ENPP2: variants seen among roughly 807,000 people sequenced by gnomAD.
ENPP2 encodes autotaxin.
ENPP2 carries 51 observed loss-of-function variants against 120.2 expected under a neutral mutation model. That is an observed-to-expected ratio of 0.42 (90% CI 0.34 to 0.54). ENPP2 has a LOEUF of 0.54. ENPP2 is among the 20% of genes least tolerant of loss of function. ENPP2 has a pLI of 0.04. For missense variants in ENPP2, 920 were observed against 1,066.5 expected (o/e 0.86, Z 1.91); for synonymous variants, 365 against 366.4 (o/e 1.00, Z 0.04).
At chr8:119,654,538 T>C (rs936163695) in intron 1 of ENPP2, among the ~76,000 whole-genome samples, 4 of 149,666 alleles carry the variant, frequency 2.7e-5, no homozygotes, top group Admixed American at 6.7e-5. Flanking sequence ...AGAGAGAGGG[T>C]CTTGCTATGT....
At chr8:119,561,205 A>G (rs968275089) in intron 24 of ENPP2, among the ~76,000 whole-genome samples, 1 of 152,186 alleles carries the variant, frequency 6.6e-6, no homozygotes. Context: ...TTCACCCATA[A>G]TTGAAGTCAA....
At chr8:119,601,144 A>G (rs1814274945) in intron 10 of ENPP2, among the ~76,000 whole-genome samples, 1 of 152,248 alleles carries the variant, frequency 6.6e-6, no homozygotes, top group African/African-American at 2.4e-5. Flanking sequence ...TGGTTCATTT[A>G]TCAAAGCCAG....
intron 23 of ENPP2, 47 bp downstream of exon 23, chr8:119,564,776 A>C (rs1814269083): frequency 6.3e-7 from 1 of 1,578,254 alleles, no homozygotes; most frequent in African/African-American, 1.4e-5. Flanking sequence ...CTTGAGTGAG[A>C]TCTTGGGACT....
At chr8:119,605,535 A>T (rs1814657891) in intron 9 of ENPP2, among the ~76,000 whole-genome samples, 1 of 149,428 alleles carries the variant, frequency 6.7e-6, no homozygotes, top group African/African-American at 2.5e-5. Flanking sequence ...ATCTCAGCTC[A>T]CCGAAACCTC....
intron 2 of ENPP2, among the ~76,000 whole-genome samples, chr8:119,634,191 AATACATAC>A (rs5894490): frequency 0.016 from 2,354 of 147,700 alleles, 59 homozygotes; most frequent in African/African-American, 0.052. Context: ...TCAAAAAATA[AATACATAC>A]ATACATACAT....
At chr8:119,573,960 G>GA (rs3838711) in intron 19 of ENPP2, among the ~76,000 whole-genome samples, 7,195 of 152,102 alleles carry the variant, frequency 0.047, 263 homozygotes, top group South Asian at 0.12. Context: ...ATAATAAGGG[G>GA]AAAAAATACA....
chr8:119,574,919 C>G (rs1812227615), intron 19 of ENPP2, among the ~76,000 whole-genome samples: 1 of 152,134 alleles, frequency 6.6e-6, no homozygotes, highest in South Asian at 2.1e-4. Context: ...CTTACCCCAA[C>G]CTTGAAAACA....
intron 1 of ENPP2, among the ~76,000 whole-genome samples, chr8:119,646,160 G>A (rs887941247): frequency 7.2e-5 from 11 of 151,852 alleles, no homozygotes; most frequent in Non-Finnish European, 1.3e-4. Context: ...TAGTAGAGAC[G>A]GGGTTTCACT....
chr8:119,603,043 A>G (rs1814428424), intron 9 of ENPP2, among the ~76,000 whole-genome samples: 1 of 152,214 alleles, frequency 6.6e-6, no homozygotes, highest in South Asian at 2.1e-4. Context: ...CCATAAAATG[A>G]GTCCAAATTT....
intron 2 of ENPP2, among the ~76,000 whole-genome samples, chr8:119,630,402 C>T (rs561719877): frequency 6.6e-6 from 1 of 152,310 alleles, no homozygotes; most frequent in Non-Finnish European, 1.5e-5. Context: ...GCCACCACAT[C>T]CGGCCTATTT....
intron 19 of ENPP2, chr8:119,572,065 C>A: frequency 1.3e-6 from 1 of 742,920 alleles, no homozygotes; most frequent in South Asian, 1.9e-5. Context: ...CATAATCTGA[C>A]AATATTAAAT....
intron 1 of ENPP2, among the ~76,000 whole-genome samples, chr8:119,669,763 T>A (rs1012321310): frequency 5.3e-5 from 8 of 152,170 alleles, no homozygotes; most frequent in African/African-American, 1.9e-4. Flanking sequence ...GAGTAGTGTG[T>A]ATCTATACCT....
At chr8:119,648,305 T>C (rs1225401724) in intron 1 of ENPP2, among the ~76,000 whole-genome samples, 2 of 152,226 alleles carry the variant, frequency 1.3e-5, no homozygotes, top group East Asian at 1.9e-4. Context: ...GAGTGCTTAG[T>C]AGTGACATGG....
intron 1 of ENPP2, among the ~76,000 whole-genome samples, chr8:119,654,333 G>T: frequency 7.1e-6 from 1 of 140,018 alleles, no homozygotes; most frequent in South Asian, 2.2e-4. Context: ...ATTATATATA[G>T]AGATATATCT....
At position 119,582,579 on chromosome 8, in the gene ENPP2, G is replaced by A. The variant is rs1812825081; in HGVS notation, c.1567C>T (p.Pro523Ser). 1.2e-6 allele frequency: 2 copies of A among 1,613,298 alleles called. No homozygotes were observed. The highest frequency in any genetic ancestry group is 1.7e-6 in the Non-Finnish European group (2 of 1,179,390). Residue 523 changes from proline (P) to serine (S), a missense_variant, in exon 18 of 25, where the codon CCT becomes TCT. Pro to Ser is a moderately conservative substitution (Grantham distance 74). Coordinates refer to ENST00000075322, the MANE Select transcript of ENPP2 (RefSeq NM_001040092.3). ...MCDLLGLKPA[P>S]NNGTHGSLNH... ...AAACTTCCATGGGTCCCATTATTAGGAGCTGGCTTCAATCCCAGGAGATCT... is the reference window on the plus strand; with the variant it reads ...AAACTTCCATGGGTCCCATTATTAGAAGCTGGCTTCAATCCCAGGAGATCT...
chr8:119,563,614 A>G (rs1814151618), intron 23 of ENPP2, among the ~76,000 whole-genome samples: 2 of 152,312 alleles, frequency 1.3e-5, no homozygotes, highest in East Asian at 1.9e-4. Flanking sequence ...TGATGGACCT[A>G]GAGGTATAAA....
At chr8:119,564,317 A>G (rs1156619220) in intron 23 of ENPP2, among the ~76,000 whole-genome samples, 3 of 152,184 alleles carry the variant, frequency 2.0e-5, no homozygotes, top group Non-Finnish European at 4.4e-5. Context: ...AGAATAAAAA[A>G]GTGCATTTAT....
intron 12 of ENPP2, among the ~76,000 whole-genome samples, chr8:119,592,495 A>G (rs866511568): frequency 6.9e-4 from 104 of 150,830 alleles, no homozygotes; most frequent in African/African-American, 1.3e-3. Context: ...AAAAAAAAAA[A>G]AAGAAGAAGA....
At chr8:119,647,822 T>A (rs985467178) in intron 1 of ENPP2, among the ~76,000 whole-genome samples, 2 of 152,034 alleles carry the variant, frequency 1.3e-5, no homozygotes, top group South Asian at 4.2e-4. Flanking sequence ...CTGGCCAACA[T>A]GGCAAAATCC....
Sources: allele counts gnomAD v4.1 joint callset (sites outside exome capture counted in the v4.1 genomes callset), GRCh38; gene constraint gnomAD v4.1.1; transcripts MANE v1.5; gene names NCBI Gene and HGNC (gene_info 2026-07-23, HGNC 2026-07-21).